RBFOX1: variants seen among roughly 807,000 people sequenced by gnomAD.
RBFOX1 encodes RNA binding fox-1 homolog 1.
A neutral mutation model predicts 57.7 loss-of-function variants in RBFOX1; 8 were observed. The ratio of observed to expected loss-of-function variants is 0.14; its 90% CI spans 0.08 to 0.25. The LOEUF (loss-of-function observed/expected upper bound fraction) is 0.25, where lower values mean the gene tolerates loss of function less well. Ranked by LOEUF, RBFOX1 falls within the 10% of genes least tolerant of loss-of-function variation. The pLI is 1.00. For missense variants in RBFOX1, 611 were observed against 548.5 expected, an observed-to-expected ratio of 1.11 and a Z score of -1.14; for synonymous variants, 326 against 222.4, an observed-to-expected ratio of 1.47 and a Z score of -4.15.
intron 11 of RBFOX1, among the ~76,000 whole-genome samples, chr16:7,636,492 G>A (rs887399198): frequency 6.6e-6 from 1 of 152,180 alleles, no homozygotes; most frequent in Non-Finnish European, 1.5e-5. Context: ...GATGTTACAC[G>A]TGTATTTCCT....
intron 1 of RBFOX1, among the ~76,000 whole-genome samples, chr16:6,299,506 G>A (rs935466762): frequency 2.6e-5 from 4 of 152,222 alleles, no homozygotes; most frequent in Admixed American, 1.3e-4. Context: ...TGAAGCGCAC[G>A]TAAGCCACCA....
intron 5 of RBFOX1, among the ~76,000 whole-genome samples, chr16:7,523,304 T>C (rs751345399): frequency 6.6e-6 from 1 of 152,186 alleles, no homozygotes; most frequent in Admixed American, 6.5e-5. Context: ...CATTTGGAAG[T>C]ACTTCAATTT....
chr16:5,989,719 T>A (rs1467225795), intron 4 of RBFOX1, among the ~76,000 whole-genome samples: 1 of 151,938 alleles, frequency 6.6e-6, no homozygotes, highest in East Asian at 1.9e-4. Flanking sequence ...TCTCACTCAT[T>A]TGTCTCGCTT....
At chr16:5,828,160 A>G (rs1033683392) in intron 3 of RBFOX1, among the ~76,000 whole-genome samples, 3 of 151,118 alleles carry the variant, frequency 2.0e-5, no homozygotes, top group Non-Finnish European at 4.4e-5. Flanking sequence ...CAGTCTATCC[A>G]TCCCTGCATC....
chr16:7,082,556 T>C (rs1405448250), intron 4 of RBFOX1, among the ~76,000 whole-genome samples: 1 of 150,246 alleles, frequency 6.7e-6, no homozygotes, highest in East Asian at 2.0e-4. Context: ...AGTGAGACCA[T>C]GTCTCAAAAA....
At chr16:6,675,916 G>T (rs959999587) in intron 3 of RBFOX1, among the ~76,000 whole-genome samples, 2 of 147,676 alleles carry the variant, frequency 1.4e-5, no homozygotes, top group Admixed American at 6.8e-5. Context: ...ATGGGATGTG[G>T]TATTTGTCCA....
chr16:7,426,732 A>G (rs2098618878), intron 4 of RBFOX1, among the ~76,000 whole-genome samples: 1 of 152,176 alleles, frequency 6.6e-6, no homozygotes, highest in African/African-American at 2.4e-5. Flanking sequence ...TACCAACAGC[A>G]GTGGATCTTG....
intron 4 of RBFOX1, among the ~76,000 whole-genome samples, chr16:7,284,084 C>A (rs912120820): frequency 2.0e-5 from 3 of 152,194 alleles, no homozygotes; most frequent in African/African-American, 7.2e-5. Context: ...ATTTGAGATT[C>A]ATCCAGGTAG....
intron 11 of RBFOX1, among the ~76,000 whole-genome samples, chr16:7,635,493 A>G (rs1440879265): frequency 6.6e-6 from 1 of 152,144 alleles, no homozygotes; most frequent in Non-Finnish European, 1.5e-5. Context: ...TAAACCCTTA[A>G]AAGTGTGTGG....
At chr16:6,986,312 C>A (rs1223035272) in intron 3 of RBFOX1, among the ~76,000 whole-genome samples, 1 of 152,044 alleles carries the variant, frequency 6.6e-6, no homozygotes, top group Non-Finnish European at 1.5e-5. Flanking sequence ...GCGACTCTTG[C>A]CTCAGCCTCC....
chr16:6,777,777 A>C (rs542110900), intron 3 of RBFOX1, among the ~76,000 whole-genome samples: 1 of 152,210 alleles, frequency 6.6e-6, no homozygotes, highest in East Asian at 1.9e-4. Flanking sequence ...TGATGAGAAA[A>C]CACAAGGGGA....
intron 4 of RBFOX1, among the ~76,000 whole-genome samples, chr16:5,937,865 A>T (rs910789986): frequency 2.0e-5 from 3 of 151,496 alleles, no homozygotes; most frequent in African/African-American, 7.3e-5. Context: ...ACATATATAC[A>T]TGCTTACATA....
chr16:6,614,564 T>C (rs2098116479), intron 2 of RBFOX1, among the ~76,000 whole-genome samples: 1 of 152,134 alleles, frequency 6.6e-6, no homozygotes, highest in African/African-American at 2.4e-5. Flanking sequence ...ACATCAGAAA[T>C]GTCTTCGCCT....
At position 7,171,517 on chromosome 16, in the gene RBFOX1, C is replaced by G. The variant is rs529744510; in HGVS notation, c.27+119419C>G. Among the ~76,000 whole-genome samples the G allele has an allele frequency of 5.9e-5, 9 of 152,312 alleles. No individual in the cohort carries two copies. In the South Asian group the frequency reaches 1.2e-3, roughly 21 times the overall value. ...CTTTCAGTGTGAATCCTTAATGTGA[C>G]ACAAAATTCAGCACAAGGGGTAAAA... On this transcript the variant is annotated intron_variant, in intron 4 of 15. Coordinates refer to ENST00000550418, the MANE Select transcript of RBFOX1 (RefSeq NM_018723.4).
intron 3 of RBFOX1, among the ~76,000 whole-genome samples, chr16:6,851,926 G>GTTTTT (rs71147610): frequency 2.1e-5 from 3 of 143,592 alleles, no homozygotes; most frequent in Non-Finnish European, 3.0e-5. Context: ...TTTCCATTGG[G>GTTTTT]TTTTTTTTTT....
chr16:7,476,731 G>T (rs1196080285), intron 4 of RBFOX1, among the ~76,000 whole-genome samples: 1 of 152,156 alleles, frequency 6.6e-6, no homozygotes, highest in Non-Finnish European at 1.5e-5. Context: ...GCATTGCTCT[G>T]TATCCTTGCA....
intron 2 of RBFOX1, among the ~76,000 whole-genome samples, chr16:6,561,324 C>T (rs985760730): frequency 2.6e-5 from 4 of 152,162 alleles, no homozygotes; most frequent in African/African-American, 7.2e-5. Flanking sequence ...AATATGCATG[C>T]ATTCCGTAAT....
intron 4 of RBFOX1, among the ~76,000 whole-genome samples, chr16:7,309,935 G>T (rs184119647): frequency 6.6e-6 from 1 of 152,182 alleles, no homozygotes; most frequent in Non-Finnish European, 1.5e-5. Context: ...GTTTAATTCA[G>T]TTAAGAAAAG....
At chr16:7,631,617 G>A (rs79868756) in intron 11 of RBFOX1, among the ~76,000 whole-genome samples, 3,803 of 152,246 alleles carry the variant, frequency 0.025, 174 homozygotes, top group African/African-American at 0.088. Flanking sequence ...GTGCTTAAAA[G>A]TGAGTCTGGG....
Sources: gnomAD v4.1 joint callset for allele counts (sites outside exome capture counted in the v4.1 genomes callset) on GRCh38, gnomAD v4.1.1 for gene constraint, MANE v1.5 for transcripts, NCBI Gene and HGNC (gene_info 2026-07-23, HGNC 2026-07-21) for gene names.